Variants in NKAIN3 observed in about 807,000 individuals in gnomAD.
NKAIN3 encodes the protein sodium/potassium-transporting ATPase subunit beta-1-interacting protein 3.
Under a neutral mutation model 30.2 loss-of-function variants are expected in NKAIN3, and 25 were observed. The observed-to-expected ratio is 0.83, with a 90% CI of 0.60 to 1.16. NKAIN3 has a LOEUF of 1.16. NKAIN3 is among the 50% of genes most tolerant of loss of function. The pLI is 0.00. For missense variants in NKAIN3, 225 were observed against 254.1 expected (o/e 0.89, Z 0.78); for synonymous variants, 91 against 89.6 (o/e 1.02, Z -0.09).
rs11987455 is a variant in NKAIN3 at position 62,866,562 on chromosome 8, A to G, written c.472-51891A>G. On this transcript the variant is annotated intron_variant, in intron 4 of 6. Transcript: ENST00000623646. ...ATTTTAGAATGTAACATATAGAGGT[A>G]TATTTAGCCTGTTTTAGAAGTCAGT... 2.7e-4 allele frequency among the ~76,000 whole-genome samples: 41 copies of G among 152,320 alleles called. 1 individual carries two copies. Among genetic ancestry groups the G allele is most frequent in the African/African-American group, 9.9e-4 (41 of 41,566 alleles).
intron 4 of NKAIN3, among the ~76,000 whole-genome samples, chr8:62,779,976 A>G (rs1325663552): frequency 1.3e-5 from 2 of 152,148 alleles, no homozygotes; most frequent in Non-Finnish European, 2.9e-5. Context: ...AATGCAATGG[A>G]GACTACAGAA....
intron 1 of NKAIN3, among the ~76,000 whole-genome samples, chr8:62,292,621 G>A (rs1410517447): frequency 6.6e-6 from 1 of 152,190 alleles, no homozygotes; most frequent in Non-Finnish European, 1.5e-5. Context: ...AGTCTGATGG[G>A]CTTCCCTTTG....
intron 3 of NKAIN3, among the ~76,000 whole-genome samples, chr8:62,609,758 G>C (rs1016708885): frequency 3.3e-5 from 5 of 152,062 alleles, no homozygotes; most frequent in Non-Finnish European, 1.5e-5. Flanking sequence ...CAAATATGGG[G>C]GAATGCCAAG....
intron 1 of NKAIN3, among the ~76,000 whole-genome samples, chr8:62,471,427 G>A (rs565975045): frequency 2.6e-5 from 4 of 152,120 alleles, no homozygotes; most frequent in African/African-American, 9.6e-5. Context: ...TGTTTTGTAA[G>A]TTCTGTGAAA....
chr8:62,426,066 A>G (rs1363150526), intron 1 of NKAIN3, among the ~76,000 whole-genome samples: 1 of 151,966 alleles, frequency 6.6e-6, no homozygotes, highest in Non-Finnish European at 1.5e-5. Flanking sequence ...AAATTTATTT[A>G]TATTATAATG....
intron 1 of NKAIN3, among the ~76,000 whole-genome samples, chr8:62,326,747 G>A (rs535589462): frequency 2.4e-4 from 36 of 151,932 alleles, no homozygotes; most frequent in African/African-American, 7.7e-4. Context: ...TGTGAATAAC[G>A]CTGCCATGAA....
chr8:62,673,917 T>C (rs1813389853), intron 3 of NKAIN3, among the ~76,000 whole-genome samples: 1 of 152,236 alleles, frequency 6.6e-6, no homozygotes, highest in African/African-American at 2.4e-5. Flanking sequence ...TGTTGCTCTC[T>C]GGTTTAAAAC....
chr8:62,411,405 T>A (rs1804233414), intron 1 of NKAIN3, among the ~76,000 whole-genome samples: 1 of 152,134 alleles, frequency 6.6e-6, no homozygotes, highest in Non-Finnish European at 1.5e-5. Context: ...TGCCTCAAAA[T>A]GGTAAGAGCC....
intron 1 of NKAIN3, among the ~76,000 whole-genome samples, chr8:62,285,519 C>T (rs1217085121): frequency 6.6e-6 from 1 of 152,082 alleles, no homozygotes; most frequent in Non-Finnish European, 1.5e-5. Context: ...CTGAACCCTG[C>T]CCTGGGTTTC....
chr8:62,486,764 C>G (rs1432728849), intron 1 of NKAIN3, among the ~76,000 whole-genome samples: 1 of 152,196 alleles, frequency 6.6e-6, no homozygotes, highest in Non-Finnish European at 1.5e-5. Context: ...TTGCAATTGT[C>G]TTAAGGCTCA....
intron 1 of NKAIN3, among the ~76,000 whole-genome samples, chr8:62,362,249 C>T (rs1585723338): frequency 6.6e-6 from 1 of 152,080 alleles, no homozygotes; most frequent in Non-Finnish European, 1.5e-5. Context: ...AATAGGAGCC[C>T]CAGGCAGGAA....
At chr8:62,845,295 A>ATATAT (rs896731455) in intron 4 of NKAIN3, among the ~76,000 whole-genome samples, 3 of 136,808 alleles carry the variant, frequency 2.2e-5, no homozygotes, top group Non-Finnish European at 4.8e-5. Flanking sequence ...TTATATATAT[A>ATATAT]TATATATATA....
chr8:62,808,646 A>G (rs1278390707), intron 4 of NKAIN3, among the ~76,000 whole-genome samples: 1 of 152,170 alleles, frequency 6.6e-6, no homozygotes, highest in Non-Finnish European at 1.5e-5. Context: ...GCAAGTTTTT[A>G]TTAGTGATTT....
At chr8:62,405,958 C>T (rs1434019488) in intron 1 of NKAIN3, among the ~76,000 whole-genome samples, 2 of 152,184 alleles carry the variant, frequency 1.3e-5, no homozygotes, top group Non-Finnish European at 2.9e-5. Context: ...GGCTGTAAAT[C>T]ATTTTTAAAC....
In NKAIN3 at chr8:62,982,615, T is replaced by C. The variant is rs576408588; in HGVS notation, c.*17208T>C. The C allele has an allele frequency of 3.3e-5, 5 of 152,342 alleles. No individual in the cohort carries two copies. In the South Asian group the frequency reaches 1.0e-3, roughly 32 times the overall value. The allele number at this position is 152,342 out of a possible 1,614,324, so 9.4% of individuals were successfully genotyped here. ...TCTCTGGAAAAAAATGAATAGATTT[T>C]CAAGATTGTGAGTCCTGACATGAGT... On this transcript the variant is annotated 3_prime_UTR_variant, in exon 7 of 7. Transcript: ENST00000623646.
chr8:62,534,412 C>T (rs754618864), intron 1 of NKAIN3, among the ~76,000 whole-genome samples: 3 of 152,082 alleles, frequency 2.0e-5, no homozygotes, highest in Admixed American at 2.0e-4. Context: ...CTGATATTGC[C>T]GAACCACGAA....
At chr8:62,354,362 C>T (rs1816277846) in intron 1 of NKAIN3, among the ~76,000 whole-genome samples, 1 of 152,198 alleles carries the variant, frequency 6.6e-6, no homozygotes, top group Non-Finnish European at 1.5e-5. Context: ...TGCAAACTAA[C>T]TAGTTAGCTT....
intron 5 of NKAIN3, among the ~76,000 whole-genome samples, chr8:62,949,375 T>C (rs955594915): frequency 2.6e-5 from 4 of 152,240 alleles, no homozygotes; most frequent in Non-Finnish European, 5.9e-5. Flanking sequence ...ACAAGTAGAA[T>C]ACAAGTCTGT....
intron 1 of NKAIN3, among the ~76,000 whole-genome samples, chr8:62,375,738 C>G (rs1291708266): frequency 2.6e-5 from 4 of 152,120 alleles, no homozygotes; most frequent in Non-Finnish European, 5.9e-5. Flanking sequence ...CAGAAAGAAT[C>G]TTTAATGATA....
Sources: gnomAD v4.1 joint callset for allele counts (sites outside exome capture counted in the v4.1 genomes callset) on GRCh38, gnomAD v4.1.1 for gene constraint, MANE v1.5 for transcripts, NCBI Gene and HGNC (gene_info 2026-07-23, HGNC 2026-07-21) for gene names.